The following FAM24B variants were observed in gnomAD, a reference collection of about 807,000 sequenced individuals.
The protein encoded by FAM24B is protein FAM24B.
A neutral mutation model predicts 2.3 loss-of-function variants in FAM24B; 3 were observed. The observed-to-expected ratio is 1.29, with a 90% CI of 0.59 to 3.32. The LOEUF is 3.32. Ranked by LOEUF, FAM24B falls within the 30% of genes most tolerant of loss-of-function variation. The pLI, the probability that FAM24B is intolerant of heterozygous loss-of-function variation, is 0.03. For synonymous variants in FAM24B, 36 were observed against 46.3 expected (o/e 0.78, Z 0.90); for missense variants, 98 against 117.2 (o/e 0.84, Z 0.76).
At chr10:122,860,203 C>T (rs891858383) in intron 1 of FAM24B, among the ~76,000 whole-genome samples, 2 of 152,186 alleles carry the variant, frequency 1.3e-5, no homozygotes, top group Non-Finnish European at 2.9e-5. Flanking sequence ...TCAGCTTCTC[C>T]CCTATATGCC....
intron 1 of FAM24B, among the ~76,000 whole-genome samples, chr10:122,867,529 G>T (rs1847821108): frequency 1.3e-5 from 2 of 152,202 alleles, no homozygotes; most frequent in Non-Finnish European, 2.9e-5. Flanking sequence ...AGCCTAACTG[G>T]GAGGCACCCC....
intron 1 of FAM24B, among the ~76,000 whole-genome samples, chr10:122,861,852 C>G (rs1284761526): frequency 1.3e-5 from 2 of 152,152 alleles, no homozygotes; most frequent in Non-Finnish European, 2.9e-5. Flanking sequence ...ATCATTTTTC[C>G]TGCTCTAACA....
rs1228220966 is a variant in FAM24B, at chr10:122,872,167, C to T, written c.-178+7318G>A. Among the ~76,000 whole-genome samples, 3 of 152,148 alleles carry T rather than the reference C, an allele frequency of 2.0e-5. No individual in the cohort carries two copies. The East Asian group carries it at 5.8e-4, about 29-fold the overall frequency. ...TCTCAAAAGAAGATATTTATGCAGC[C>T]AAAAAACACATGAAAAAATGCTCAT... On this transcript the variant is annotated intron_variant, in intron 1 of 3. Transcript: ENST00000368898.
chr10:122,878,864 C>T lies in FAM24B; in HGVS notation c.-178+621G>A, dbSNP rs548964472. On this transcript the variant is annotated intron_variant, in intron 1 of 3. Transcript: ENST00000368898. ...CTTATTTAAGGAAGTCAAAATCCAG[C>T]TTATAGTATTGATCTTGCTCATGAA... 3.8e-4 allele frequency among the ~76,000 whole-genome samples: 57 copies of T among 151,670 alleles called. No individual in the cohort carries two copies. In the South Asian group the frequency reaches 0.011, roughly 31 times the overall value.
At position 122,878,260 on chromosome 10, in the gene FAM24B, C is replaced by T. The variant is rs569036059; in HGVS notation, c.-178+1225G>A. On this transcript the variant is annotated intron_variant, in intron 1 of 3. Coordinates refer to ENST00000368898, the MANE Select transcript of FAM24B (RefSeq NM_152644.3). ...GTTAAGAAGTAATGGTGGCCAGGTG[C>T]GGTGGCTCACGCTTGTAATCCCAGC... Among the ~76,000 whole-genome samples, 25 of 152,176 alleles carry T rather than the reference C, an allele frequency of 1.6e-4. 1 individual carries two copies. The highest frequency in any genetic ancestry group is 1.6e-3 in the Admixed American group (24 of 15,284).
At chr10:122,875,424 G>A (rs978500723) in intron 1 of FAM24B, among the ~76,000 whole-genome samples, 1 of 152,122 alleles carries the variant, frequency 6.6e-6, no homozygotes, top group Admixed American at 6.5e-5. Context: ...ATGTAAGAAT[G>A]GTTCTGATAT....
rs138475731 is a variant in FAM24B, at chr10:122,878,842, A to T, written c.-178+643T>A. ...CAAAATGCTGTAGGCTTTCTGCCTT[A>T]TTTAAGGAAGTCAAAATCCAGCTTA... is the stretch of plus-strand genomic sequence containing the variant. On this transcript the variant is annotated intron_variant, in intron 1 of 3. Transcript: ENST00000368898. Among the ~76,000 whole-genome samples the T allele has an allele frequency of 2.3e-3, 343 of 151,662 alleles. 1 individual carries two copies. Among genetic ancestry groups the T allele is most frequent in the African/African-American group, 7.9e-3 (328 of 41,302 alleles).
intron 1 of FAM24B, among the ~76,000 whole-genome samples, chr10:122,863,795 C>A (rs978690032): frequency 6.6e-6 from 1 of 152,140 alleles, no homozygotes; most frequent in African/African-American, 2.4e-5. Flanking sequence ...CAGGCTGGCC[C>A]CCTCCACATA....
intron 1 of FAM24B, among the ~76,000 whole-genome samples, chr10:122,863,065 C>T (rs1252428917): frequency 6.6e-6 from 1 of 152,152 alleles, no homozygotes; most frequent in Non-Finnish European, 1.5e-5. Flanking sequence ...AGACCAGAGA[C>T]ATCAGAACCA....
chr10:122,864,109 C>T (rs968558487), intron 1 of FAM24B, among the ~76,000 whole-genome samples: 1 of 152,048 alleles, frequency 6.6e-6, no homozygotes, highest in Non-Finnish European at 1.5e-5. Flanking sequence ...TGAAACAACA[C>T]ATGTTCACTG....
chr10:122,861,581 C>T (rs192535550), intron 1 of FAM24B, among the ~76,000 whole-genome samples: 5 of 152,142 alleles, frequency 3.3e-5, no homozygotes, highest in African/African-American at 7.2e-5. Context: ...CATGGACTAT[C>T]GCCATTTATT....
chr10:122,858,790 A>T (rs1847681636), intron 1 of FAM24B, among the ~76,000 whole-genome samples: 1 of 152,056 alleles, frequency 6.6e-6, no homozygotes, highest in Non-Finnish European at 1.5e-5. Flanking sequence ...TACCAGCGAG[A>T]AGTACCCCTT....
intron 1 of FAM24B, among the ~76,000 whole-genome samples, chr10:122,865,951 G>A (rs889161486): frequency 2.0e-5 from 3 of 149,354 alleles, no homozygotes; most frequent in Non-Finnish European, 4.4e-5. Flanking sequence ...TTGCCCAGCT[G>A]GAGTGCAGTG....
intron 1 of FAM24B, among the ~76,000 whole-genome samples, chr10:122,870,280 T>A (rs1847872065): frequency 6.6e-6 from 1 of 152,102 alleles, no homozygotes; most frequent in Non-Finnish European, 1.5e-5. Flanking sequence ...GTGCTGAAAT[T>A]GAGGCAATAA....
chr10:122,858,306 A>C (rs1470978616), intron 1 of FAM24B, among the ~76,000 whole-genome samples: 1 of 151,956 alleles, frequency 6.6e-6, no homozygotes, highest in Admixed American at 6.6e-5. Flanking sequence ...CGCAAGGACA[A>C]AAAACCAAAC....
chr10:122,866,652 T>C (rs1432821644), intron 1 of FAM24B, among the ~76,000 whole-genome samples: 1 of 152,146 alleles, frequency 6.6e-6, no homozygotes, highest in Non-Finnish European at 1.5e-5. Flanking sequence ...CAGCAATCTT[T>C]GATGTTACTA....
chr10:122,878,784 T>C (rs1349218018), intron 1 of FAM24B, among the ~76,000 whole-genome samples: 1 of 150,866 alleles, frequency 6.6e-6, no homozygotes, highest in Non-Finnish European at 1.5e-5. Flanking sequence ...GTGATAATAC[T>C]GAACATACGA....
At chr10:122,871,668 C>G (rs958788165) in intron 1 of FAM24B, among the ~76,000 whole-genome samples, 12 of 151,980 alleles carry the variant, frequency 7.9e-5, no homozygotes, top group Non-Finnish European at 1.0e-4. Context: ...ACAAACCTGA[C>G]AAAAAGAAGA....
chr10:122,849,885 C>T (rs571678611), intron 3 of FAM24B, among the ~76,000 whole-genome samples: 4 of 152,114 alleles, frequency 2.6e-5, no homozygotes, highest in African/African-American at 7.2e-5. Context: ...TCCACTGTTC[C>T]CCAGGTTTTT....
Sources: allele counts gnomAD v4.1 joint callset (sites outside exome capture counted in the v4.1 genomes callset), GRCh38; gene constraint gnomAD v4.1.1; transcripts MANE v1.5; gene names NCBI Gene and HGNC (gene_info 2026-07-23, HGNC 2026-07-21).